Variants in ERICH1 observed in about 807,000 individuals in gnomAD.
The protein encoded by ERICH1 is glutamate-rich protein 1.
In ERICH1, 56 loss-of-function variants were observed where a neutral mutation model predicts 39.6. The observed-to-expected ratio is 1.41, with a 90% CI of 1.14 to 1.77. The LOEUF (loss-of-function observed/expected upper bound fraction) is 1.77. Among genes scored for constraint, ERICH1 ranks in the 40% most tolerant of loss-of-function variants. The pLI, the probability that ERICH1 is intolerant of heterozygous loss-of-function variation, is 0.00. For missense variants in ERICH1, 826 were observed against 575.4 expected (o/e 1.44, Z -4.45); for synonymous variants, 313 against 223.6 (o/e 1.40, Z -3.57).
At chr8:658,992 C>CA (rs1801042929) in intron 3 of ERICH1, among the ~76,000 whole-genome samples, 2 of 150,876 alleles carry the variant, frequency 1.3e-5, no homozygotes, top group African/African-American at 4.9e-5. Context: ...CCCACATCTC[C>CA]GGTGTGCACT....
intron 3 of ERICH1, among the ~76,000 whole-genome samples, chr8:685,295 C>G (rs1807067704): frequency 6.6e-6 from 1 of 152,230 alleles, no homozygotes; most frequent in South Asian, 2.1e-4. Flanking sequence ...CTGCCCGGCT[C>G]CCAGGCAGTC....
chr8:708,681 G>GTTTTTTGTTTTTTTTTTTTTTTT lies in ERICH1; in HGVS notation c.169+7179_169+7180insAAAAAAAAAAAAAAAACAAAAAA. On this transcript the variant is annotated intron_variant, in intron 2 of 5. Transcript: ENST00000262109. ...GGGCTGAGTGGTTACGGGATAATGA[G>GTTTTTTGTTTTTTTTTTTTTTTT]TTTTTTTTTTTTTTTTTTTTTTTTT... is the stretch of plus-strand genomic sequence containing the variant. 1.2e-3 allele frequency among the ~76,000 whole-genome samples: 77 copies of GTTTTTTGTTTTTTTTTTTTTTTT among 65,770 alleles called. 9 individuals carry two copies. Among genetic ancestry groups the GTTTTTTGTTTTTTTTTTTTTTTT allele is most frequent in the South Asian group, 3.7e-3 (6 of 1,616 alleles). The allele number at this position is 65,770 out of a possible 152,430, so 43.1% of individuals were successfully genotyped here. A position where few individuals can be genotyped will look rare whatever the true frequency, so the allele number is the denominator to read the frequency against.
At chr8:622,364 C>T (rs1394259563) in intron 3 of ERICH1, among the ~76,000 whole-genome samples, 4 of 152,098 alleles carry the variant, frequency 2.6e-5, no homozygotes, top group Non-Finnish European at 5.9e-5. Flanking sequence ...GTCATGAGGG[C>T]CCTGTGAAAA....
intron 3 of ERICH1, 25 bp downstream of exon 3, chr8:692,453 C>A (rs750883582): frequency 1.2e-6 from 2 of 1,613,874 alleles, no homozygotes. Context: ...AAGATGTCTA[C>A]CTTTCCTCCC....
intron 5 of ERICH1, 137 bp from the exon 6 acceptor site, chr8:664,813 A>C: frequency 1.6e-6 from 1 of 631,546 alleles, no homozygotes. Context: ...TTTGGCATGA[A>C]ACTGATGTTG....
intron 1 of ERICH1, among the ~76,000 whole-genome samples, chr8:720,350 G>C (rs1177302713): frequency 1.3e-5 from 2 of 152,164 alleles, no homozygotes; most frequent in African/African-American, 4.8e-5. Context: ...TGAAGGACGA[G>C]GACGCATGCT....
At chr8:724,670 C>T (rs1033900659) in intron 1 of ERICH1, among the ~76,000 whole-genome samples, 1 of 152,242 alleles carries the variant, frequency 6.6e-6, no homozygotes, top group East Asian at 1.9e-4. Flanking sequence ...AGATAAACTA[C>T]ACCTTTTACT....
intron 3 of ERICH1, among the ~76,000 whole-genome samples, chr8:678,644 C>G (rs1805397204): frequency 6.6e-6 from 1 of 152,112 alleles, no homozygotes; most frequent in Admixed American, 6.5e-5. Context: ...CCAGTCTCTA[C>G]TAAAAATACA....
chr8:643,146 G>A (rs908954246), intron 3 of ERICH1, among the ~76,000 whole-genome samples: 1 of 152,094 alleles, frequency 6.6e-6, no homozygotes, highest in Non-Finnish European at 1.5e-5. Flanking sequence ...GGAGTCTCCC[G>A]TCCACAGCCG....
intron 3 of ERICH1, among the ~76,000 whole-genome samples, chr8:654,141 T>C (rs1364229758): frequency 1.3e-5 from 2 of 152,232 alleles, no homozygotes; most frequent in African/African-American, 4.8e-5. Context: ...ACAATACAAA[T>C]GTATTTTTTA....
intron 3 of ERICH1, among the ~76,000 whole-genome samples, chr8:679,694 G>A (rs1240840726): frequency 1.3e-5 from 2 of 152,250 alleles, no homozygotes; most frequent in Non-Finnish European, 2.9e-5. Context: ...CACAGGCAAG[G>A]TCATAAGTCA....
intron 3 of ERICH1, among the ~76,000 whole-genome samples, chr8:657,649 T>C (rs1162695056): frequency 1.3e-5 from 2 of 151,412 alleles, no homozygotes; most frequent in Non-Finnish European, 2.9e-5. Context: ...TACAGGGGCT[T>C]GATTATGGAG....
intron 3 of ERICH1, among the ~76,000 whole-genome samples, chr8:655,686 TCC>T (rs1800559004): frequency 6.6e-6 from 1 of 150,438 alleles, no homozygotes; most frequent in Non-Finnish European, 1.5e-5. Flanking sequence ...CTTCCTTCCT[TCC>T]TTCCTTCCTT....
At chr8:689,181 G>A (rs767845936) in intron 3 of ERICH1, among the ~76,000 whole-genome samples, 4 of 151,880 alleles carry the variant, frequency 2.6e-5, no homozygotes, top group Non-Finnish European at 4.4e-5. Flanking sequence ...GTATGATCTC[G>A]GCTCACCACG....
chr8:633,076 C>T (rs762914769), intron 3 of ERICH1, among the ~76,000 whole-genome samples: 19 of 152,218 alleles, frequency 1.2e-4, no homozygotes, highest in African/African-American at 1.7e-4. Flanking sequence ...CGCGCGGGGC[C>T]GCCCAGGACA....
At chr8:702,932 C>T (rs546367608) in intron 2 of ERICH1, among the ~76,000 whole-genome samples, 3 of 152,320 alleles carry the variant, frequency 2.0e-5, no homozygotes, top group African/African-American at 7.2e-5. Context: ...CCCCGCACGC[C>T]TGGGGTTAGC....
In ERICH1 at chr8:633,323, G is replaced by A. The variant is rs993861372; in HGVS notation, c.977-18039C>T. 1.7e-4 allele frequency among the ~76,000 whole-genome samples: 26 copies of A among 152,290 alleles called. 1 individual carries two copies. Among genetic ancestry groups the A allele is most frequent in the African/African-American group, 6.0e-4 (25 of 41,562 alleles). On this transcript the variant is annotated intron_variant, in intron 3 of 3. Transcript: ENST00000522706. ...GCCATAACAAAAAATGAACACGTCC[G>A]TCAGGGGAAATGGATCAGGATGCAC...
chr8:655,543 G>A (rs1800528473), intron 3 of ERICH1, among the ~76,000 whole-genome samples: 1 of 152,178 alleles, frequency 6.6e-6, no homozygotes, highest in Admixed American at 6.5e-5. Context: ...CAGTTGCTGG[G>A]ACCCAGGGGC....
chr8:657,037 C>G (rs1219806509), intron 3 of ERICH1, among the ~76,000 whole-genome samples: 1 of 152,174 alleles, frequency 6.6e-6, no homozygotes. Flanking sequence ...AAGTTAATAG[C>G]TTTCTCAAAT....
Sources: allele counts gnomAD v4.1 joint callset (sites outside exome capture counted in the v4.1 genomes callset), GRCh38; gene constraint gnomAD v4.1.1; transcripts MANE v1.5; gene names NCBI Gene and HGNC (gene_info 2026-07-23, HGNC 2026-07-21).